Variants in TMEM131 observed in about 807,000 individuals in gnomAD.
The protein encoded by TMEM131 is transmembrane protein 131.
TMEM131 carries 66 observed loss-of-function variants against 211.6 expected under a neutral mutation model. The ratio of observed to expected loss-of-function variants is 0.31; its 90% CI spans 0.26 to 0.38. The LOEUF (loss-of-function observed/expected upper bound fraction) is 0.38. Among genes scored for constraint, TMEM131 ranks in the 10% least tolerant of loss-of-function variants. TMEM131 has a pLI of 1.00. For synonymous variants in TMEM131, 844 were observed against 841.3 expected, an observed-to-expected ratio of 1.00 and a Z score of -0.06; for missense variants, 2,036 against 2,299.3, an observed-to-expected ratio of 0.89 and a Z score of 2.34.
chr2:97,900,924 A>G (rs1338356016), intron 3 of TMEM131, among the ~76,000 whole-genome samples: 2 of 152,162 alleles, frequency 1.3e-5, no homozygotes, highest in African/African-American at 4.8e-5. Flanking sequence ...CAGGTGTGAG[A>G]TGATAATGCA....
intron 1 of TMEM131, among the ~76,000 whole-genome samples, chr2:97,990,035 G>C (rs1680192577): frequency 6.6e-6 from 1 of 152,180 alleles, no homozygotes; most frequent in African/African-American, 2.4e-5. Context: ...TTAGTCCAGG[G>C]CCAGCTTCTG....
intron 1 of TMEM131, among the ~76,000 whole-genome samples, chr2:97,953,770 C>T (rs975527363): frequency 6.6e-6 from 1 of 152,132 alleles, no homozygotes; most frequent in African/African-American, 2.4e-5. Context: ...TAAAACAAAC[C>T]CCAACTATTT....
In TMEM131 at chr2:97,827,376, T is replaced by C. The variant is rs998951895; in HGVS notation, c.1074+5989A>G. The C allele has an allele frequency of 1.0e-5, 10 of 964,096 alleles. No homozygotes were observed. In the African/African-American group the frequency reaches 1.6e-4, roughly 15 times the overall value. The allele number at this position is 964,096 out of a possible 1,614,324, so 59.7% of individuals were successfully genotyped here. A position where few individuals can be genotyped will look rare whatever the true frequency, so the allele number is the denominator to read the frequency against. ...AGCCGAAAAAGGCAGCAGCGAAGGA[T>C]AAATCTTCAGACAAAAACGTGCAAA... On this transcript the variant is annotated intron_variant, in intron 11 of 40. Coordinates refer to ENST00000186436, the MANE Select transcript of TMEM131 (RefSeq NM_015348.2).
intron 5 of TMEM131, among the ~76,000 whole-genome samples, chr2:97,850,672 G>A (rs1005517165): frequency 2.6e-5 from 4 of 152,102 alleles, no homozygotes; most frequent in South Asian, 4.2e-4. Flanking sequence ...AAAAAAAACA[G>A]TAGCAAAATT....
chr2:97,883,299 C>T (rs2104220423), intron 4 of TMEM131, among the ~76,000 whole-genome samples: 1 of 152,292 alleles, frequency 6.6e-6, no homozygotes, highest in Middle Eastern at 3.4e-3. Flanking sequence ...AAATCCGCTG[C>T]TTTGGGGAAC....
chr2:97,866,613 T>C (rs1188146993), intron 4 of TMEM131, among the ~76,000 whole-genome samples: 1 of 152,224 alleles, frequency 6.6e-6, no homozygotes, highest in Non-Finnish European at 1.5e-5. Flanking sequence ...AAGTTTCTGA[T>C]TTGAGATATT....
intron 4 of TMEM131, among the ~76,000 whole-genome samples, chr2:97,880,937 T>C (rs1674899723): frequency 6.6e-6 from 1 of 152,070 alleles, no homozygotes; most frequent in South Asian, 2.1e-4. Flanking sequence ...CAGGGAAAGA[T>C]CTGAGAGGGA....
chr2:97,849,934 A>G (rs1490621654), intron 5 of TMEM131, among the ~76,000 whole-genome samples: 1 of 151,918 alleles, frequency 6.6e-6, no homozygotes, highest in Non-Finnish European at 1.5e-5. Context: ...AATGAAGTAG[A>G]TAATATCACT....
intron 1 of TMEM131, among the ~76,000 whole-genome samples, chr2:97,928,407 T>C (rs1409502438): frequency 6.7e-6 from 1 of 149,582 alleles, no homozygotes; most frequent in Non-Finnish European, 1.5e-5. Context: ...TAATGGTGGA[T>C]ACAGGACATG....
intron 30 of TMEM131, among the ~76,000 whole-genome samples, 154 bp from the exon 31 acceptor site, chr2:97,793,138 A>G (rs1680585403): frequency 6.6e-6 from 1 of 152,222 alleles, no homozygotes; most frequent in Non-Finnish European, 1.5e-5. Context: ...ACTCTCTAAC[A>G]TCTGTTCTAT....
intron 5 of TMEM131, among the ~76,000 whole-genome samples, chr2:97,854,343 T>C (rs1673753315): frequency 6.6e-6 from 1 of 152,194 alleles, no homozygotes; most frequent in Non-Finnish European, 1.5e-5. Context: ...ACATAACTTT[T>C]ATATATATGG....
intron 1 of TMEM131, among the ~76,000 whole-genome samples, chr2:97,975,509 AT>A (rs572064274): frequency 6.2e-4 from 95 of 152,274 alleles, no homozygotes; most frequent in Middle Eastern, 3.4e-3. Flanking sequence ...TTGCCAATTA[AT>A]TTGACAACTT....
At chr2:97,773,858 G>A (rs1485470542) in intron 32 of TMEM131, among the ~76,000 whole-genome samples, 1 of 152,182 alleles carries the variant, frequency 6.6e-6, no homozygotes, top group Non-Finnish European at 1.5e-5. Context: ...AGCTGCATGT[G>A]GAGTGGGCTG....
In TMEM131 at chr2:97,796,984, T is replaced by G; in HGVS notation, c.2873A>C (p.Asn958Thr). ...CACAGCATCCATCACAGTCAGGTTA[T>G]TTCTATGCAAGAATGAGAATTACAG... ...RTVSSLIIVR[N>T]NLTVMDAVMV... Residue 958 changes from asparagine to threonine, a missense_variant and splice_region_variant, in exon 27 of 41, where the codon AAT (asparagine) becomes ACT (threonine). Asn to Thr is a moderately conservative substitution (Grantham distance 65, BLOSUM62 0). Around this residue, in one of 3 missense-constraint regions of TMEM131, gnomAD observed 1,623 missense variants for 1,805.9 expected, o/e 0.90. Transcript: ENST00000186436. 1 of 1,609,046 alleles carries G rather than the reference T, an allele frequency of 6.2e-7. No homozygotes were observed. Among genetic ancestry groups the G allele is most frequent in the Non-Finnish European group, 8.5e-7 (1 of 1,178,398 alleles).
At chr2:97,856,225 C>CA (rs1381745070) in intron 5 of TMEM131, among the ~76,000 whole-genome samples, 1 of 151,786 alleles carries the variant, frequency 6.6e-6, no homozygotes, top group Non-Finnish European at 1.5e-5. Flanking sequence ...ATAATATGGC[C>CA]ATGAAAGATG....
At chr2:97,791,479 G>A (rs562722585) in intron 31 of TMEM131, among the ~76,000 whole-genome samples, 2 of 152,306 alleles carry the variant, frequency 1.3e-5, no homozygotes, top group Admixed American at 1.3e-4. Flanking sequence ...AACCATGACA[G>A]ACCTCTGGCC....
At chr2:97,931,877 C>T (rs1677235038) in intron 1 of TMEM131, among the ~76,000 whole-genome samples, 1 of 152,172 alleles carries the variant, frequency 6.6e-6, no homozygotes, top group Admixed American at 6.5e-5. Flanking sequence ...AGCCTTGACC[C>T]CACTCACAGT....
At chr2:97,813,945 AT>A (rs1374413397) in intron 15 of TMEM131, 25 bp downstream of exon 15, 1 of 1,529,408 alleles carries the variant, frequency 6.5e-7, no homozygotes, top group Admixed American at 2.1e-5. Flanking sequence ...GGGAGTTTAA[AT>A]GTTAAAGATG....
intron 1 of TMEM131, among the ~76,000 whole-genome samples, chr2:97,983,134 C>CT (rs1190814853): frequency 1.3e-5 from 2 of 152,024 alleles, no homozygotes; most frequent in African/African-American, 4.8e-5. Context: ...TTCTTTTCTT[C>CT]TCTCTTCTTC....
Sources: allele counts gnomAD v4.1 joint callset (sites outside exome capture counted in the v4.1 genomes callset), GRCh38; gene constraint gnomAD v4.1.1; regional missense constraint gnomAD v4.1.1; transcripts MANE v1.5; gene names NCBI Gene and HGNC (gene_info 2026-07-23, HGNC 2026-07-21).